The following DOCK5 variants were observed in gnomAD, a reference collection of about 807,000 sequenced individuals.
DOCK5 encodes the protein dedicator of cytokinesis protein 5.
DOCK5 carries 142 observed loss-of-function variants against 251.8 expected under a neutral mutation model. The observed-to-expected ratio is 0.56, with a 90% CI of 0.49 to 0.65. The LOEUF is 0.65. Among genes scored for constraint, DOCK5 ranks in the 30% least tolerant of loss-of-function variants. The pLI is 0.00. For synonymous variants in DOCK5, 842 were observed against 835.5 expected, an observed-to-expected ratio of 1.01 and a Z score of -0.13; for missense variants, 2,111 against 2,312.3, an observed-to-expected ratio of 0.91 and a Z score of 1.79.
At position 25,400,896 on chromosome 8, in the gene DOCK5, C is replaced by T. The variant is rs772447022; in HGVS notation, c.4789-33C>T. 22 of 1,611,784 alleles carry T rather than the reference C, an allele frequency of 1.4e-5. No homozygotes were observed. The Middle Eastern group carries it at 9.9e-4, about 72-fold the overall frequency. Reference sequence around the variant, plus strand: ...ATCAAAACGATCCCTCTTCCTGAAGCACACTGCACTCATTTTTTGCCCTTC... The same window carrying T: ...ATCAAAACGATCCCTCTTCCTGAAGTACACTGCACTCATTTTTTGCCCTTC... On this transcript the variant is annotated intron_variant, in intron 46 of 51. Coordinates refer to ENST00000276440, the MANE Select transcript of DOCK5 (RefSeq NM_024940.8).
At chr8:25,387,186 C>CT (rs71551804) in intron 40 of DOCK5, among the ~76,000 whole-genome samples, 47,000 of 124,618 alleles carry the variant, frequency 0.38, 8,510 homozygotes, top group South Asian at 0.57. Flanking sequence ...AGACCAGTGA[C>CT]TTTTTTTTTT....
At chr8:25,267,463 G>A (rs557851937) in intron 2 of DOCK5, among the ~76,000 whole-genome samples, 2 of 152,308 alleles carry the variant, frequency 1.3e-5, no homozygotes, top group East Asian at 1.9e-4. Context: ...TAACATGCAC[G>A]AAGTAGAGTA....
intron 13 of DOCK5, among the ~76,000 whole-genome samples, chr8:25,312,430 G>A (rs1444965328): frequency 6.6e-6 from 1 of 152,042 alleles, no homozygotes; most frequent in East Asian, 1.9e-4. Context: ...CAATAGGATT[G>A]GTTCATAGGA....
At chr8:25,279,504 T>C (rs1487268637) in intron 5 of DOCK5, among the ~76,000 whole-genome samples, 2 of 151,990 alleles carry the variant, frequency 1.3e-5, no homozygotes, top group African/African-American at 4.8e-5. Context: ...TCTCACTCTT[T>C]CGCCCAAGCT....
chr8:25,240,275 C>CT (rs916339283), intron 1 of DOCK5, among the ~76,000 whole-genome samples: 11 of 145,152 alleles, frequency 7.6e-5, no homozygotes, highest in African/African-American at 2.6e-4. Context: ...AGTAAATCTA[C>CT]TTAAAAAAAA....
intron 47 of DOCK5, among the ~76,000 whole-genome samples, chr8:25,401,682 C>T (rs1269470665): frequency 2.6e-5 from 4 of 151,738 alleles, no homozygotes; most frequent in Admixed American, 6.6e-5. Context: ...TTCATTGAGC[C>T]GAGATCACAC....
At chr8:25,286,329 G>A (rs1178426854) in intron 5 of DOCK5, among the ~76,000 whole-genome samples, 1 of 152,200 alleles carries the variant, frequency 6.6e-6, no homozygotes, top group Admixed American at 6.5e-5. Flanking sequence ...TAATCAGGAA[G>A]CTGCCTGGGA....
chr8:25,226,315 G>A (rs980616840), intron 1 of DOCK5, among the ~76,000 whole-genome samples: 14 of 137,196 alleles, frequency 1.0e-4, no homozygotes, highest in Admixed American at 1.0e-3. Flanking sequence ...AGGCTGGAGT[G>A]CAGGTGGCAT....
intron 1 of DOCK5, among the ~76,000 whole-genome samples, chr8:25,229,165 A>G (rs1293988352): frequency 6.6e-6 from 1 of 152,164 alleles, no homozygotes; most frequent in Non-Finnish European, 1.5e-5. Context: ...AAAGAATGCC[A>G]CACATACGTT....
chr8:25,283,181 T>C (rs540917304), intron 5 of DOCK5, among the ~76,000 whole-genome samples: 4 of 152,284 alleles, frequency 2.6e-5, no homozygotes, highest in Admixed American at 6.5e-5. Flanking sequence ...AACCCACTTA[T>C]CCAAAATGGA....
intron 1 of DOCK5, among the ~76,000 whole-genome samples, chr8:25,205,168 G>T (rs1417405490): frequency 2.6e-5 from 4 of 152,074 alleles, no homozygotes; most frequent in Non-Finnish European, 4.4e-5. Context: ...AAAATGCTTG[G>T]ATTACAGGTG....
chr8:25,357,061 G>A (rs1176931431), intron 27 of DOCK5, among the ~76,000 whole-genome samples: 3 of 151,646 alleles, frequency 2.0e-5, no homozygotes, highest in South Asian at 2.1e-4. Context: ...TATTGTTTTA[G>A]TAGAAAAATG....
At chr8:25,373,503 G>C in intron 35 of DOCK5, 115 bp from the exon 36 acceptor site, 1 of 960,014 alleles carries the variant, frequency 1.0e-6, no homozygotes. Flanking sequence ...AAGGGAAACA[G>C]TGATCTCTTT....
chr8:25,294,451 G>A (rs965147146), intron 6 of DOCK5, among the ~76,000 whole-genome samples: 6 of 152,140 alleles, frequency 3.9e-5, no homozygotes, highest in African/African-American at 1.2e-4. Context: ...ATGCATGCTG[G>A]GTATTCGGAT....
intron 10 of DOCK5, among the ~76,000 whole-genome samples, chr8:25,304,030 A>G (rs1333642130): frequency 6.6e-6 from 1 of 152,190 alleles, no homozygotes; most frequent in Non-Finnish European, 1.5e-5. Context: ...AGTCTGCAAA[A>G]TTGATCCAGT....
intron 6 of DOCK5, among the ~76,000 whole-genome samples, chr8:25,292,975 C>T (rs1315847707): frequency 6.6e-6 from 1 of 152,096 alleles, no homozygotes; most frequent in East Asian, 1.9e-4. Context: ...GCTACAATCA[C>T]CTCTACAGAG....
chr8:25,273,687 A>G (rs757394143), intron 3 of DOCK5, among the ~76,000 whole-genome samples: 2 of 152,194 alleles, frequency 1.3e-5, no homozygotes, highest in African/African-American at 4.8e-5. Flanking sequence ...TGGTGTGCCT[A>G]TGCGTGTATG....
chr8:25,251,562 A>G (rs1011626343), intron 2 of DOCK5, among the ~76,000 whole-genome samples: 7 of 152,206 alleles, frequency 4.6e-5, no homozygotes, highest in African/African-American at 1.7e-4. Flanking sequence ...CTTGAGCTGT[A>G]TGTGTTTTGA....
At position 25,290,104 on chromosome 8, in the gene DOCK5, G is replaced by C. The variant is rs138419182; in HGVS notation, c.322-1920G>C. On this transcript the variant is annotated intron_variant, in intron 5 of 51. Coordinates refer to ENST00000276440, the MANE Select transcript of DOCK5 (RefSeq NM_024940.8). Reference sequence around the variant, plus strand: ...TGGCGTATATATTTACTTTCTTATTGCTGTCTTACCTTCTCTGGAATGTTA... The same window carrying C: ...TGGCGTATATATTTACTTTCTTATTCCTGTCTTACCTTCTCTGGAATGTTA... Among the ~76,000 whole-genome samples, 14 of 151,398 alleles carry C rather than the reference G, an allele frequency of 9.2e-5. No individual in the cohort carries two copies. The East Asian group carries it at 2.3e-3, about 25-fold the overall frequency.
Sources: gnomAD v4.1 joint callset for allele counts (sites outside exome capture counted in the v4.1 genomes callset) on GRCh38, gnomAD v4.1.1 for gene constraint, MANE v1.5 for transcripts, NCBI Gene and HGNC (gene_info 2026-07-23, HGNC 2026-07-21) for gene names.